Variants in DRC8 observed in about 807,000 individuals in gnomAD.
DRC8 encodes the protein dynein regulatory complex protein 8.
chr1:245,071,891 G>T, the DRC8 span, among the ~76,000 whole-genome samples: 1 of 152,190 alleles, frequency 6.6e-6, no homozygotes, highest in South Asian at 2.1e-4. Context: ...CAAGTATGTC[G>T]TGAAAGACTG....
the DRC8 span, among the ~76,000 whole-genome samples, chr1:245,120,025 T>C: frequency 8.5e-5 from 13 of 152,302 alleles, no homozygotes; most frequent in Non-Finnish European, 1.6e-4. Context: ...ATAGAGGCTG[T>C]TGGCCATTTA....
chr1:245,038,600 T>C, the DRC8 span, among the ~76,000 whole-genome samples: 3 of 146,906 alleles, frequency 2.0e-5, no homozygotes, highest in Non-Finnish European at 3.0e-5. Flanking sequence ...CAAGTGCATA[T>C]GGAAAGTTAA....
At chr1:245,066,921 AT>A in the DRC8 span, among the ~76,000 whole-genome samples, 3 of 152,134 alleles carry the variant, frequency 2.0e-5, no homozygotes, top group Non-Finnish European at 4.4e-5. Flanking sequence ...AGAAAAAAAA[AT>A]CATAATAAAT....
chr1:244,975,816 C>T, the DRC8 span, among the ~76,000 whole-genome samples: 5 of 151,982 alleles, frequency 3.3e-5, no homozygotes, highest in Non-Finnish European at 7.4e-5. Flanking sequence ...GCTGAGATCA[C>T]ACTACTGCAC....
At chr1:245,100,295 G>C in the DRC8 span, among the ~76,000 whole-genome samples, 1 of 152,014 alleles carries the variant, frequency 6.6e-6, no homozygotes, top group Non-Finnish European at 1.5e-5. Context: ...TGAGACAGGA[G>C]AATTGCTTGA....
chr1:245,076,657 T>C, the DRC8 span, among the ~76,000 whole-genome samples: 27 of 152,356 alleles, frequency 1.8e-4, no homozygotes, highest in East Asian at 5.2e-3. Context: ...AATTGAGTTT[T>C]CTCCTGGAGA....
the DRC8 span, chr1:244,970,728 C>T: frequency 1.5e-5 from 7 of 457,912 alleles, no homozygotes; most frequent in South Asian, 1.3e-4. Context: ...CTCCCGCCTT[C>T]TTCTTTCTCC....
At chr1:245,099,499 C>T in the DRC8 span, among the ~76,000 whole-genome samples, 1 of 152,238 alleles carries the variant, frequency 6.6e-6, no homozygotes, top group African/African-American at 2.4e-5. Context: ...TGCCCCGACA[C>T]CAGGCCACAG....
chr1:245,077,583 C>T, the DRC8 span, among the ~76,000 whole-genome samples: 1 of 152,122 alleles, frequency 6.6e-6, no homozygotes, highest in African/African-American at 2.4e-5. Flanking sequence ...CATAAATGGC[C>T]AGCTAATCCT....
At chr1:245,017,315 A>G in the DRC8 span, 3 of 1,599,136 alleles carry the variant, frequency 1.9e-6, no homozygotes, top group Non-Finnish European at 2.6e-6. Flanking sequence ...CGAATAATAC[A>G]GTGGATGTGA....
the DRC8 span, among the ~76,000 whole-genome samples, chr1:245,031,897 T>C: frequency 6.6e-6 from 1 of 152,192 alleles, no homozygotes; most frequent in African/African-American, 2.4e-5. Flanking sequence ...AATCCCAAGC[T>C]GTGGATATCA....
At chr1:245,109,172 C>T in the DRC8 span, among the ~76,000 whole-genome samples, 1 of 152,048 alleles carries the variant, frequency 6.6e-6, no homozygotes. Flanking sequence ...CGAGAGAGCT[C>T]GGTTATTTAT....
At chr1:244,995,203 A>T in the DRC8 span, among the ~76,000 whole-genome samples, 1 of 152,060 alleles carries the variant, frequency 6.6e-6, no homozygotes, top group African/African-American at 2.4e-5. Flanking sequence ...TCTACTAAAA[A>T]TACAAAAATT....
the DRC8 span, among the ~76,000 whole-genome samples, chr1:244,981,656 A>T: frequency 2.0e-5 from 3 of 152,130 alleles, no homozygotes; most frequent in Non-Finnish European, 4.4e-5. Flanking sequence ...ATATTTGTTA[A>T]TTTTGACAAA....
chr1:245,064,849 T>G, the DRC8 span, among the ~76,000 whole-genome samples: 1 of 152,048 alleles, frequency 6.6e-6, no homozygotes, highest in Non-Finnish European at 1.5e-5. Context: ...CCTGAAACTC[T>G]GGACAGTTTT....
At chr1:245,104,841 G>A in the DRC8 span, among the ~76,000 whole-genome samples, 1 of 152,182 alleles carries the variant, frequency 6.6e-6, no homozygotes, top group African/African-American at 2.4e-5. Flanking sequence ...TTCCGCTCTT[G>A]TCTCATAAAT....
At chr1:245,084,648 C>T in the DRC8 span, among the ~76,000 whole-genome samples, 3 of 152,156 alleles carry the variant, frequency 2.0e-5, no homozygotes, top group African/African-American at 7.2e-5. Flanking sequence ...AAACCATCCT[C>T]ATATTGGTCC....
At chr1:245,092,713 C>G in the DRC8 span, among the ~76,000 whole-genome samples, 10 of 152,250 alleles carry the variant, frequency 6.6e-5, no homozygotes, top group East Asian at 1.9e-3. Flanking sequence ...AAAAGCACTA[C>G]CTGGGGCTCT....
chr1:245,041,344 A>T, the DRC8 span, among the ~76,000 whole-genome samples: 2 of 152,230 alleles, frequency 1.3e-5, no homozygotes, highest in African/African-American at 4.8e-5. Context: ...GCAGTTGATC[A>T]GGAAGAAGTT....
Sources: allele counts gnomAD v4.1 joint callset (sites outside exome capture counted in the v4.1 genomes callset), GRCh38; gene constraint gnomAD v4.1.1; transcripts MANE v1.5; gene names NCBI Gene and HGNC (gene_info 2026-07-23, HGNC 2026-07-21).